The following FNIP2 variants were observed in gnomAD, a reference collection of about 807,000 sequenced individuals.
FNIP2 encodes the protein folliculin-interacting protein 2.
In FNIP2, 32 loss-of-function variants were observed where a neutral mutation model predicts 108.7. The observed-to-expected ratio is 0.29, with a 90% CI of 0.22 to 0.40. The LOEUF (loss-of-function observed/expected upper bound fraction) is 0.40. Ranked by LOEUF, FNIP2 falls within the 10% of genes least tolerant of loss-of-function variation. FNIP2 has a pLI of 1.00. For missense variants in FNIP2, 1,202 were observed against 1,381.6 expected (o/e 0.87, Z 2.06); for synonymous variants, 480 against 496.7 (o/e 0.97, Z 0.45).
At chr4:158,903,942 C>T (rs1729589150) in intron 16 of FNIP2, among the ~76,000 whole-genome samples, 1 of 152,176 alleles carries the variant, frequency 6.6e-6, no homozygotes, top group Non-Finnish European at 1.5e-5. Context: ...TTTAGTGTCA[C>T]TTTGCTCTCA....
At chr4:158,877,369 T>C in intron 14 of FNIP2, among the ~76,000 whole-genome samples, 1 of 152,224 alleles carries the variant, frequency 6.6e-6, no homozygotes, top group East Asian at 1.9e-4. Context: ...CTTCATACTG[T>C]CTTCATGTAT....
chr4:158,818,197 A>T (rs1183374176), intron 1 of FNIP2, among the ~76,000 whole-genome samples: 1 of 152,226 alleles, frequency 6.6e-6, no homozygotes. Flanking sequence ...CTGCCGTGTG[A>T]ACACATTATT....
chr4:158,822,047 C>A (rs1383724540), intron 1 of FNIP2, among the ~76,000 whole-genome samples: 1 of 151,786 alleles, frequency 6.6e-6, no homozygotes, highest in Non-Finnish European at 1.5e-5. Context: ...GAGATGGCGC[C>A]ACTGCACTCC....
intron 14 of FNIP2, among the ~76,000 whole-genome samples, chr4:158,880,579 TTAAAG>T (rs1336943394): frequency 4.6e-5 from 7 of 152,158 alleles, no homozygotes; most frequent in Non-Finnish European, 1.0e-4. Context: ...ACCTTAGAAC[TTAAAG>T]TATAATAATA....
chr4:158,840,184 G>T (rs541675456), intron 7 of FNIP2, among the ~76,000 whole-genome samples: 1 of 152,298 alleles, frequency 6.6e-6, no homozygotes, highest in East Asian at 1.9e-4. Context: ...CTGAGAAAGC[G>T]AGTGGAAGGT....
intron 1 of FNIP2, among the ~76,000 whole-genome samples, chr4:158,805,392 C>T (rs1024516767): frequency 6.6e-6 from 1 of 152,064 alleles, no homozygotes; most frequent in African/African-American, 2.4e-5. Flanking sequence ...TAGCATTGTT[C>T]TCCTTTTTCA....
intron 1 of FNIP2, among the ~76,000 whole-genome samples, chr4:158,802,066 A>G (rs1443512897): frequency 6.6e-6 from 1 of 152,222 alleles, no homozygotes; most frequent in Non-Finnish European, 1.5e-5. Context: ...TGATTGAATT[A>G]TAATATACAA....
At chr4:158,786,076 TCTTA>T (rs1257018543) in intron 1 of FNIP2, among the ~76,000 whole-genome samples, 7 of 152,338 alleles carry the variant, frequency 4.6e-5, no homozygotes, top group African/African-American at 1.7e-4. Context: ...CCTTGAAAGA[TCTTA>T]CTGTTTATTC....
In FNIP2 at chr4:158,844,277, AG is replaced by A. The variant is rs554681453; in HGVS notation, c.728-7037del. Among the ~76,000 whole-genome samples, 420 of 152,198 alleles carry A rather than the reference AG, an allele frequency of 2.8e-3. 3 individuals are homozygous for A. Among genetic ancestry groups the A allele is most frequent in the African/African-American group, 9.6e-3 (399 of 41,528 alleles). ...TAGATGCTCAATGAATATTTGAATGAGGGGGGGAAAATAAATCCATCCATAT... is the reference window on the plus strand; with the variant it reads ...TAGATGCTCAATGAATATTTGAATGAGGGGGGAAAATAAATCCATCCATAT... On this transcript the variant is annotated intron_variant, in intron 7 of 16. Transcript: ENST00000264433.
chr4:158,899,280 G>A (rs1782982187), intron 16 of FNIP2, among the ~76,000 whole-genome samples: 1 of 152,168 alleles, frequency 6.6e-6, no homozygotes, highest in Non-Finnish European at 1.5e-5. Flanking sequence ...TTGCATTGAT[G>A]TTCATCAGGG....
At chr4:158,782,320 A>C (rs973258861) in intron 1 of FNIP2, among the ~76,000 whole-genome samples, 1 of 152,166 alleles carries the variant, frequency 6.6e-6, no homozygotes, top group Non-Finnish European at 1.5e-5. Flanking sequence ...ACATACGTGT[A>C]TTCCCCAGTC....
chr4:158,856,117 G>C (rs1446063850), intron 8 of FNIP2, among the ~76,000 whole-genome samples: 4 of 152,164 alleles, frequency 2.6e-5, no homozygotes, highest in Non-Finnish European at 5.9e-5. Flanking sequence ...GCATCTAACA[G>C]CTAACCTCAA....
At chr4:158,833,030 G>T (rs1056780924) in intron 5 of FNIP2, among the ~76,000 whole-genome samples, 2 of 152,104 alleles carry the variant, frequency 1.3e-5, no homozygotes, top group African/African-American at 4.8e-5. Flanking sequence ...GTTGTGAAAT[G>T]AAACTCCTGT....
intron 1 of FNIP2, among the ~76,000 whole-genome samples, chr4:158,807,995 G>C (rs571572418): frequency 6.6e-6 from 1 of 152,246 alleles, no homozygotes; most frequent in South Asian, 2.1e-4. Flanking sequence ...AGAGAGTAAC[G>C]GAGTGACACT....
intron 7 of FNIP2, among the ~76,000 whole-genome samples, chr4:158,841,530 GC>G: frequency 6.6e-6 from 1 of 152,174 alleles, no homozygotes; most frequent in Non-Finnish European, 1.5e-5. Flanking sequence ...AGGAGCAAGA[GC>G]AAAGGAGGGT....
intron 1 of FNIP2, among the ~76,000 whole-genome samples, chr4:158,773,886 T>A (rs1319392983): frequency 6.6e-6 from 1 of 152,186 alleles, no homozygotes; most frequent in Non-Finnish European, 1.5e-5. Context: ...TTCAAAGTTA[T>A]TTGCAAGTTT....
At position 158,829,173 on chromosome 4, in the gene FNIP2, G is replaced by A. The variant is rs763993382; in HGVS notation, c.329G>A (p.Ser110Asn). ...AGCAGCAGCAGCATCTCTTCCCACAGTTCTTCTGGGGGATCTTCACATCAT... is the reference window on the plus strand; with the variant it reads ...AGCAGCAGCAGCATCTCTTCCCACAATTCTTCTGGGGGATCTTCACATCAT... ...SSSSSSISSH[S>N]SSGGSSHHAK... The change falls in exon 3 of 17, where the codon AGT (serine) becomes AAT (asparagine). Residue 110 changes from serine (S) to asparagine (N), a missense_variant. Transcript: ENST00000264433. 5.6e-6 allele frequency: 9 copies of A among 1,613,186 alleles called. No individual in the cohort carries two copies. The highest frequency in any genetic ancestry group is 7.6e-6 in the Non-Finnish European group (9 of 1,179,564).
chr4:158,828,050 T>G (rs1006161723), intron 2 of FNIP2, among the ~76,000 whole-genome samples: 1 of 152,160 alleles, frequency 6.6e-6, no homozygotes, highest in Admixed American at 6.5e-5. Flanking sequence ...AGGAAGCTTC[T>G]GTAGGGAGTA....
intron 14 of FNIP2, among the ~76,000 whole-genome samples, chr4:158,877,749 G>C (rs1005254634): frequency 3.9e-5 from 6 of 152,246 alleles, no homozygotes; most frequent in African/African-American, 1.4e-4. Context: ...TTATGTGCTT[G>C]GTACTGTGTT....
Sources: gnomAD v4.1 joint callset for allele counts (sites outside exome capture counted in the v4.1 genomes callset) on GRCh38, gnomAD v4.1.1 for gene constraint, MANE v1.5 for transcripts, NCBI Gene and HGNC (gene_info 2026-07-23, HGNC 2026-07-21) for gene names.